PCBP3: variants seen among roughly 807,000 people sequenced by gnomAD.
PCBP3 encodes the protein poly(rC) binding protein 3, also known as poly(rC)-binding protein 3.
Under a neutral mutation model 52.7 loss-of-function variants are expected in PCBP3, and 25 were observed. The observed-to-expected ratio is 0.47, with a 90% CI of 0.35 to 0.66. The LOEUF (loss-of-function observed/expected upper bound fraction) is 0.66. Ranked by LOEUF, PCBP3 falls within the 30% of genes least tolerant of loss-of-function variation. The probability of loss-of-function intolerance (pLI) is 0.01; values close to 1 mark genes in which losing one functional copy is unlikely to be tolerated. For missense variants in PCBP3, 391 were observed against 490.3 expected, an observed-to-expected ratio of 0.80 and a Z score of 1.91; for synonymous variants, 162 against 183.0, an observed-to-expected ratio of 0.89 and a Z score of 0.93.
intron 1 of PCBP3, among the ~76,000 whole-genome samples, chr21:45,646,400 A>G (rs1307724965): frequency 3.9e-5 from 6 of 152,162 alleles, no homozygotes; most frequent in Admixed American, 1.3e-4. Flanking sequence ...AATCACTGAC[A>G]TTAAATGAAA....
rs910612387 is a variant in PCBP3, at chr21:45,837,597, G to A, written c.-125-12364G>A. 2.0e-5 allele frequency among the ~76,000 whole-genome samples: 3 copies of A among 152,208 alleles called. No homozygotes were observed. The highest frequency in any genetic ancestry group is 1.9e-4 in the East Asian group (1 of 5,196). ...GGTAGCGGCTGTGTGGAATGCCTGC[G>A]TTCTGGATTTGGCTGGCTGCCTCCT... is the stretch of plus-strand genomic sequence containing the variant. On this transcript the variant is annotated intron_variant, in intron 4 of 17. Coordinates refer to ENST00000681687, the MANE Select transcript of PCBP3 (RefSeq NM_001384156.1). This position sits in a 1 kb window ranked among gnomAD's most constrained non-coding sequence, Gnocchi z 4.1.
chr21:45,936,990 G>A (rs1472156963), intron 16 of PCBP3, among the ~76,000 whole-genome samples: 2 of 152,204 alleles, frequency 1.3e-5, no homozygotes, highest in Admixed American at 6.5e-5. Context: ...GGCTATTGAC[G>A]ACACTGTCAG....
chr21:45,792,551 A>G (rs73378580), intron 4 of PCBP3, among the ~76,000 whole-genome samples: 1 of 152,262 alleles, frequency 6.6e-6, no homozygotes, highest in Admixed American at 6.5e-5. Context: ...GACACCCTGA[A>G]CCAGAATCTC....
rs775911140 is a variant in PCBP3 at position 45,930,852 on chromosome 21, C to G, written c.856+7C>G. ...CTGATGGGCCAGTCATCAGGTAACACAAAGCCACACTGACAGGAGAACAGG... is the reference window on the plus strand; with the variant it reads ...CTGATGGGCCAGTCATCAGGTAACAGAAAGCCACACTGACAGGAGAACAGG... On this transcript the variant is annotated splice_region_variant and intron_variant, in intron 15 of 17. Transcript: ENST00000681687. 3 of 1,612,516 alleles carry G rather than the reference C, an allele frequency of 1.9e-6. No individual in the cohort carries two copies. The highest frequency in any genetic ancestry group is 1.7e-6 in the Non-Finnish European group (2 of 1,179,380).
chr21:45,678,137 C>T (rs906889709), intron 2 of PCBP3, among the ~76,000 whole-genome samples: 6 of 151,876 alleles, frequency 4.0e-5, no homozygotes, highest in African/African-American at 9.7e-5. Context: ...GTCAGGAGAT[C>T]GAGACCAGCC....
intron 5 of PCBP3, among the ~76,000 whole-genome samples, chr21:45,895,801 G>C (rs2095809596): frequency 6.6e-6 from 1 of 152,372 alleles, no homozygotes; most frequent in South Asian, 2.1e-4. Flanking sequence ...CCCCGTGACT[G>C]TGTGTTGAGG....
At chr21:45,893,543 T>C (rs926739748) in intron 5 of PCBP3, among the ~76,000 whole-genome samples, 3 of 49,846 alleles carry the variant, frequency 6.0e-5, no homozygotes, top group Non-Finnish European at 7.3e-5. Flanking sequence ...CTGCAGATGG[T>C]GGTCCACAGA....
chr21:45,739,437 C>A (rs574434965), intron 3 of PCBP3, among the ~76,000 whole-genome samples: 1 of 142,584 alleles, frequency 7.0e-6, no homozygotes, highest in African/African-American at 2.6e-5. Flanking sequence ...TGGATGGCCC[C>A]CCCATCTTCA....
intron 2 of PCBP3, among the ~76,000 whole-genome samples, chr21:45,700,747 T>C (rs1300804928): frequency 1.3e-5 from 2 of 152,182 alleles, no homozygotes; most frequent in Admixed American, 1.3e-4. Flanking sequence ...CCAGCCTACA[T>C]GAAGGCTGGT....
At chr21:45,862,018 G>A (rs1020706346) in intron 5 of PCBP3, among the ~76,000 whole-genome samples, 2 of 152,132 alleles carry the variant, frequency 1.3e-5, no homozygotes, top group East Asian at 1.9e-4. Context: ...TGGAGGCCAC[G>A]AACGCTGTGT....
rs1181000757 is a variant in PCBP3, at chr21:45,656,279, G to A, written c.-279+12411G>A. Reference sequence around the variant, plus strand: ...CAGTGATAGACTGGATAAAGAAAATGTGGCACATATACACCATGGAATACT... The same window carrying A: ...CAGTGATAGACTGGATAAAGAAAATATGGCACATATACACCATGGAATACT... On this transcript the variant is annotated intron_variant, in intron 1 of 17. Transcript: ENST00000681687. This position sits in a 1 kb window ranked among gnomAD's most constrained non-coding sequence, Gnocchi z 4.3. Among the ~76,000 whole-genome samples, 1 of 152,204 alleles carries A rather than the reference G, an allele frequency of 6.6e-6. No homozygotes were observed. Among genetic ancestry groups the A allele is most frequent in the African/African-American group, 2.4e-5 (1 of 41,442 alleles).
At chr21:45,770,026 A>G (rs776292398) in intron 4 of PCBP3, among the ~76,000 whole-genome samples, 84 of 152,324 alleles carry the variant, frequency 5.5e-4, no homozygotes, top group African/African-American at 1.8e-3. Context: ...TGGAGATGGT[A>G]GTGCTCACCA....
intron 4 of PCBP3, among the ~76,000 whole-genome samples, chr21:45,764,119 C>CTTTTTTTTTTT (rs71185167): frequency 1.5e-4 from 18 of 119,778 alleles, no homozygotes; most frequent in East Asian, 4.4e-4. Context: ...TTTTTTTTTT[C>CTTTTTTTTTTT]TTTTTTTTTT....
At chr21:45,743,617 G>T (rs781732754) in intron 3 of PCBP3, among the ~76,000 whole-genome samples, 1 of 152,134 alleles carries the variant, frequency 6.6e-6, no homozygotes, top group Non-Finnish European at 1.5e-5. Context: ...ACTAGAATAA[G>T]GGTTAATAAT....
At position 45,940,161 on chromosome 21, in the gene PCBP3, G is replaced by A. The variant is rs372507574; in HGVS notation, c.1041G>A (p.Pro347=). The A allele has an allele frequency of 4.3e-6, 7 of 1,614,086 alleles. No homozygotes were observed. Among genetic ancestry groups the A allele is most frequent in the South Asian group, 1.1e-5 (1 of 91,080 alleles). The change falls in exon 17 of 18, where the codon CCG becomes CCA. Residue 347 remains proline (P), a synonymous_variant. Coordinates refer to ENST00000681687, the MANE Select transcript of PCBP3 (RefSeq NM_001384156.1). ...GTCAGATCACCATCACGGGGACCCC[G>A]GCCAACATCAGCCTTGCCCAGTATC... ...SERQITITGT[P]ANISLAQYLI...
intron 16 of PCBP3, 88 bp from the exon 17 acceptor site, chr21:45,939,942 C>A: frequency 8.0e-7 from 1 of 1,246,180 alleles, no homozygotes; most frequent in Non-Finnish European, 1.1e-6. Context: ...GGCGGCCCGT[C>A]CCACCGGCCC....
chr21:45,674,365 A>G (rs921752657), intron 2 of PCBP3, among the ~76,000 whole-genome samples: 1 of 152,206 alleles, frequency 6.6e-6, no homozygotes, highest in Admixed American at 6.5e-5. Context: ...GTTCCGAGAT[A>G]TAAACTCTAT....
chr21:45,676,838 C>T (rs897838589), intron 2 of PCBP3, among the ~76,000 whole-genome samples: 6 of 152,134 alleles, frequency 3.9e-5, no homozygotes, highest in Admixed American at 6.5e-5. Context: ...GTGGTGTGAT[C>T]TCAGTTCACT....
chr21:45,845,520 G>A (rs1166036926), intron 4 of PCBP3, among the ~76,000 whole-genome samples: 1 of 151,170 alleles, frequency 6.6e-6, no homozygotes, highest in Non-Finnish European at 1.5e-5. Flanking sequence ...ACGTTTGTGA[G>A]TGTGTGCCTT....
Sources: allele counts gnomAD v4.1 joint callset (sites outside exome capture counted in the v4.1 genomes callset), GRCh38; gene constraint gnomAD v4.1.1; non-coding constraint Gnocchi (gnomAD v3.1); transcripts MANE v1.5; gene names NCBI Gene and HGNC (gene_info 2026-07-23, HGNC 2026-07-21).